The following RBL1 variants were observed in gnomAD, a reference collection of about 807,000 sequenced individuals.
RBL1 encodes the protein RB transcriptional corepressor like 1, also known as retinoblastoma-like protein 1.
Under a neutral mutation model 123.0 loss-of-function variants are expected in RBL1, and 82 were observed. That is an observed-to-expected ratio of 0.67 (90% CI 0.56 to 0.80). The LOEUF (loss-of-function observed/expected upper bound fraction) is 0.80. Ranked by LOEUF, RBL1 falls within the 30% of genes least tolerant of loss-of-function variation. The pLI is 0.00. For synonymous variants in RBL1, 405 were observed against 441.3 expected (o/e 0.92, Z 1.03); for missense variants, 1,171 against 1,299.6 (o/e 0.90, Z 1.52).
At chr20:37,014,747 G>C (rs1280201439) in intron 19 of RBL1, among the ~76,000 whole-genome samples, 1 of 150,338 alleles carries the variant, frequency 6.7e-6, no homozygotes, top group African/African-American at 2.5e-5. Context: ...CTGGGTGACA[G>C]AGCAAGACAT....
chr20:37,087,992 T>G (rs2146334764), intron 2 of RBL1, among the ~76,000 whole-genome samples: 1 of 152,040 alleles, frequency 6.6e-6, no homozygotes, highest in East Asian at 1.9e-4. Flanking sequence ...TGGCTGGGAG[T>G]GCTGGCTCAC....
chr20:37,058,536 G>A, intron 9 of RBL1, among the ~76,000 whole-genome samples: 1 of 150,738 alleles, frequency 6.6e-6, no homozygotes, highest in Admixed American at 6.6e-5. Context: ...AAAAAAAAAG[G>A]AAAGAAAGAA....
chr20:37,035,863 G>A (rs996517187), intron 14 of RBL1, among the ~76,000 whole-genome samples: 21 of 152,320 alleles, frequency 1.4e-4, no homozygotes, highest in Admixed American at 4.6e-4. Flanking sequence ...GAGCACCTGA[G>A]AAGAAGGGAA....
At chr20:37,061,443 C>T (rs2065093715) in intron 8 of RBL1, among the ~76,000 whole-genome samples, 174 bp from the exon 9 acceptor site, 1 of 151,998 alleles carries the variant, frequency 6.6e-6, no homozygotes, top group Non-Finnish European at 1.5e-5. Flanking sequence ...AAAGCACTTT[C>T]TACATATAAT....
intron 10 of RBL1, among the ~76,000 whole-genome samples, chr20:37,055,875 T>C (rs2064995392): frequency 6.6e-6 from 1 of 151,818 alleles, no homozygotes; most frequent in East Asian, 1.9e-4. Flanking sequence ...ATGGTGAAAC[T>C]CCATCTCTAC....
At chr20:37,071,228 G>C (rs1486828147) in intron 2 of RBL1, among the ~76,000 whole-genome samples, 2 of 152,128 alleles carry the variant, frequency 1.3e-5, no homozygotes, top group Admixed American at 6.6e-5. Flanking sequence ...GATTGGAAAG[G>C]CTTACTTGAG....
chr20:37,005,846 C>T (rs549616680), intron 20 of RBL1, among the ~76,000 whole-genome samples: 1 of 151,294 alleles, frequency 6.6e-6, no homozygotes, highest in East Asian at 1.9e-4. Flanking sequence ...TATTGGCTGT[C>T]CGGCTGCAGC....
At chr20:37,014,567 G>C (rs190367342) in intron 19 of RBL1, among the ~76,000 whole-genome samples, 21 of 152,214 alleles carry the variant, frequency 1.4e-4, no homozygotes, top group African/African-American at 5.1e-4. Flanking sequence ...GGGAGGCCAA[G>C]GCAGATGGAT....
chr20:37,039,861 G>A (rs1214938659), intron 14 of RBL1, among the ~76,000 whole-genome samples: 6 of 151,776 alleles, frequency 4.0e-5, no homozygotes, highest in Non-Finnish European at 7.4e-5. Context: ...AGATGCCATC[G>A]TGCCTGACTT....
At chr20:37,002,273 C>T (rs1249168526) in intron 21 of RBL1, among the ~76,000 whole-genome samples, 1 of 151,040 alleles carries the variant, frequency 6.6e-6, no homozygotes, top group Non-Finnish European at 1.5e-5. Context: ...TCAAGTGTTC[C>T]CCCACCTTGG....
At chr20:37,050,963 A>T (rs2064901014) in intron 11 of RBL1, among the ~76,000 whole-genome samples, 1 of 152,144 alleles carries the variant, frequency 6.6e-6, no homozygotes, top group Non-Finnish European at 1.5e-5. Context: ...CAGTACCTTC[A>T]AACTCATAAA....
rs1464567091 is a variant in RBL1 at position 37,035,402 on chromosome 20, A to C, written c.2010T>G (p.Leu670=). The C allele has an allele frequency of 6.2e-7, 1 of 1,614,134 alleles. No homozygotes were observed. The part of the protein sequence containing the change: ...LFGEDPPKEM[L]MDKIITEGTK... ...TTCCTTCTGTTATGATCTTGTCCAT[A>C]AGCATTTCCTTTGGGGGGTCCTCTC... The change falls in exon 15 of 22, where the codon CTT becomes CTG. Residue 670 remains leucine, a synonymous_variant. Transcript: ENST00000373664.
rs184304648 is a variant in RBL1, at chr20:37,016,471, A to C, written c.2722+1808T>G. Among the ~76,000 whole-genome samples the C allele has an allele frequency of 1.1e-3, 171 of 152,346 alleles. 1 individual carries two copies. Among genetic ancestry groups the C allele is most frequent in the Non-Finnish European group, 2.2e-3 (148 of 68,034 alleles). ...TTAAAAGATCTTTTTGGTGAATGAA[A>C]TCTTAAAAGTTTATATCCCAGTGGA... is the stretch of plus-strand genomic sequence containing the variant. On this transcript the variant is annotated intron_variant, in intron 19 of 21. Coordinates refer to ENST00000373664, the MANE Select transcript of RBL1 (RefSeq NM_002895.5).
chr20:37,051,239 T>C (rs1383370297), intron 11 of RBL1, among the ~76,000 whole-genome samples: 1 of 151,754 alleles, frequency 6.6e-6, no homozygotes, highest in East Asian at 1.9e-4. Flanking sequence ...TGGAGTGCAA[T>C]GGCGTGATCT....
chr20:37,012,071 G>T (rs1047252404), intron 19 of RBL1, among the ~76,000 whole-genome samples: 22 of 152,236 alleles, frequency 1.4e-4, no homozygotes, highest in African/African-American at 4.8e-4. Flanking sequence ...CGCTGTGTTG[G>T]CTGGGCCGGT....
intron 12 of RBL1, 22 bp from the exon 13 acceptor site, chr20:37,044,272 G>A (rs1317779649): frequency 1.8e-5 from 29 of 1,612,260 alleles, no homozygotes; most frequent in Non-Finnish European, 2.4e-5. Flanking sequence ...AAAGTGAGAA[G>A]GCAATGTGGT....
At position 37,055,568 on chromosome 20, in the gene RBL1, A is replaced by C; in HGVS notation, c.1452T>G (p.His484Gln). ...ATTTACTTACTGACATGTCCATTCC[A>C]TGAAGTCTTCGTGTTTCCTGAACCA... The part of the protein sequence containing the change: ...TVMVQETRRL[H>Q]GMDMSVLLEQ... Residue 484 changes from histidine to glutamine, a missense_variant, in exon 11 of 22, where the codon CAT becomes CAG. Physicochemically the swap from His to Gln is conservative, Grantham distance 24. Transcript: ENST00000373664. 7 of 1,614,106 alleles carry C rather than the reference A, an allele frequency of 4.3e-6. No homozygotes were observed. Among genetic ancestry groups the C allele is most frequent in the Non-Finnish European group, 5.9e-6 (7 of 1,180,008 alleles).
At chr20:37,094,810 A>G (rs955811571) in intron 1 of RBL1, among the ~76,000 whole-genome samples, 1 of 151,922 alleles carries the variant, frequency 6.6e-6, no homozygotes, top group African/African-American at 2.4e-5. Context: ...TAGTTTTTGT[A>G]TTTTTTTAGT....
chr20:37,051,110 A>C (rs972895759), intron 11 of RBL1, among the ~76,000 whole-genome samples: 3 of 152,140 alleles, frequency 2.0e-5, no homozygotes, highest in Non-Finnish European at 2.9e-5. Context: ...GCATACATAC[A>C]ATACACAGTA....
Sources: allele counts gnomAD v4.1 joint callset (sites outside exome capture counted in the v4.1 genomes callset), GRCh38; gene constraint gnomAD v4.1.1; transcripts MANE v1.5; gene names NCBI Gene and HGNC (gene_info 2026-07-23, HGNC 2026-07-21).